The following MYOM3 variants were observed in gnomAD, a reference collection of about 807,000 sequenced individuals.
MYOM3 encodes the protein myomesin 3, also known as myomesin-3.
MYOM3 carries 155 observed loss-of-function variants against 191.7 expected under a neutral mutation model. The ratio of observed to expected loss-of-function variants is 0.81; its 90% CI spans 0.71 to 0.92. MYOM3 has a LOEUF of 0.92. Ranked by LOEUF, MYOM3 falls within the 40% of genes least tolerant of loss-of-function variation. MYOM3 has a pLI of 0.00. For synonymous variants in MYOM3, 757 were observed against 762.9 expected (o/e 0.99, Z 0.13); for missense variants, 1,889 against 1,890.6 (o/e 1.00, Z 0.02).
In MYOM3 at chr1:24,099,637, G is replaced by A; in HGVS notation, c.656+43C>T. 7 of 1,493,058 alleles carry A rather than the reference G, an allele frequency of 4.7e-6. No individual in the cohort carries two copies. In the East Asian group the frequency reaches 1.6e-4, roughly 34 times the overall value. 92.5% of individuals were successfully genotyped at this position (1,493,058 alleles called of 1,614,324 possible). Reference sequence around the variant, plus strand: ...GGATCCTGCTCTGGCCTCGGCGGTGGCAGGGTCTGGGGTCATAGGTCTCTC... The same window carrying A: ...GGATCCTGCTCTGGCCTCGGCGGTGACAGGGTCTGGGGTCATAGGTCTCTC... On this transcript the variant is annotated intron_variant, in intron 6 of 36. Transcript: ENST00000374434.
At chr1:24,085,345 AATGGATAGATGG>A (rs1387383379) in intron 15 of MYOM3, among the ~76,000 whole-genome samples, 4 of 151,328 alleles carry the variant, frequency 2.6e-5, no homozygotes, top group South Asian at 2.1e-4. Flanking sequence ...TGGATGAATA[AATGGATAGATGG>A]ATGGATAGAT....
rs1643310327 is a variant in MYOM3, at chr1:24,057,080, A to G, written c.*284T>C. 2.2e-6 allele frequency: 1 copy of G among 465,108 alleles called. No individual in the cohort carries two copies. The highest frequency in any genetic ancestry group is 3.9e-6 in the Non-Finnish European group (1 of 258,540). 28.8% of individuals were successfully genotyped at this position (465,108 alleles called of 1,614,324 possible). A position where few individuals can be genotyped will look rare whatever the true frequency, so the allele number is the denominator to read the frequency against. On this transcript the variant is annotated 3_prime_UTR_variant, in exon 37 of 37. Coordinates refer to ENST00000374434, the MANE Select transcript of MYOM3 (RefSeq NM_152372.4). ...GTGTTTAGCAGCGTACCTGACCTCT[A>G]CCTATCAGATGCCAGTACTGTTAGA...
intron 5 of MYOM3, among the ~76,000 whole-genome samples, chr1:24,103,226 C>T (rs958081567): frequency 6.6e-6 from 1 of 152,254 alleles, no homozygotes; most frequent in Non-Finnish European, 1.5e-5. Context: ...TGCTAACCTC[C>T]ACTTGGCCTG....
rs574406540 is a variant in MYOM3 at position 24,084,567 on chromosome 1, G to A, written c.1871C>T (p.Pro624Leu). ...ACCCAGGAGCTCTGGGTCTTTCACA[G>A]GATCCCATGTCAGGGAGACAGAGGT... Reference protein sequence around the residue: ...TQTSVSLTWDPVKDPELLGYY... With the variant: ...TQTSVSLTWDLVKDPELLGYY... Residue 624 changes from proline to leucine, a missense_variant, in exon 16 of 37, where the codon CCT (proline) becomes CTT (leucine). By Grantham distance (98) the Pro-to-Leu change is moderately conservative. Coordinates refer to ENST00000374434, the MANE Select transcript of MYOM3 (RefSeq NM_152372.4). The A allele has an allele frequency of 6.2e-6, 10 of 1,614,130 alleles. No individual in the cohort carries two copies. The highest frequency in any genetic ancestry group is 6.8e-6 in the Non-Finnish European group (8 of 1,180,010).
chr1:24,110,913 T>C (rs1025532814), intron 1 of MYOM3, among the ~76,000 whole-genome samples: 5 of 152,134 alleles, frequency 3.3e-5, no homozygotes, highest in Non-Finnish European at 7.4e-5. Context: ...TGGCCCTGGC[T>C]CCAGTGGCTG....
At chr1:24,108,344 G>C (rs1045493250) in intron 2 of MYOM3, 132 bp downstream of exon 2, 21 of 1,028,718 alleles carry the variant, frequency 2.0e-5, no homozygotes, top group Admixed American at 1.9e-4. Flanking sequence ...CCTCAGACAG[G>C]GGGTTCAGAA....
At chr1:24,095,093 C>T (rs552727469) in intron 8 of MYOM3, 103 bp from the exon 9 acceptor site, 239 of 1,273,136 alleles carry the variant, frequency 1.9e-4, no homozygotes, top group Non-Finnish European at 2.5e-4. Context: ...TCTTCTGGGT[C>T]TTGACTAGGA....
intron 12 of MYOM3, 62 bp downstream of exon 12, chr1:24,090,733 TGA>T: frequency 2.7e-6 from 4 of 1,508,694 alleles, no homozygotes; most frequent in Middle Eastern, 1.7e-4. Flanking sequence ...GTCTCCTGTG[TGA>T]GACAGTCCTG....
Position 24,057,251 on chromosome 1 carries a change from G to T in MYOM3, c.*113C>A. ...ACCCTCACATCCTGGGTTCTATCTT[G>T]TCCCCTTTCCTTCTGCCCCACCCCT... On this transcript the variant is annotated 3_prime_UTR_variant, in exon 37 of 37. Transcript: ENST00000374434. 3.8e-6 allele frequency: 4 copies of T among 1,060,640 alleles called. No individual in the cohort carries two copies. The highest frequency in any genetic ancestry group is 5.4e-6 in the Non-Finnish European group (4 of 736,488). 65.7% of individuals were successfully genotyped at this position (1,060,640 alleles called of 1,614,324 possible). A position where few individuals can be genotyped will look rare whatever the true frequency, so the allele number is the denominator to read the frequency against.
At chr1:24,066,469 C>A in intron 28 of MYOM3, 1 of 543,322 alleles carries the variant, frequency 1.8e-6, no homozygotes, top group Non-Finnish European at 3.3e-6. Context: ...TGGGAGAGCA[C>A]CCACCCTCCC....
rs746411932 is a variant in MYOM3, at chr1:24,084,464, G to A, written c.1970+4C>T. 12 of 1,613,984 alleles carry A rather than the reference G, an allele frequency of 7.4e-6. No individual in the cohort carries two copies. Among genetic ancestry groups the A allele is most frequent in the African/African-American group, 4.0e-5 (3 of 74,906 alleles). ...AACAGACTGATACGGGTGGGCAGAC[G>A]TACCTGGTGCCTTGGATGGGTTTGT... On this transcript the variant is annotated splice_donor_region_variant and intron_variant, in intron 16 of 36. Transcript: ENST00000374434.
rs1406502895 is a variant in MYOM3, at chr1:24,108,595, C to T, written c.42G>A (p.Arg14=). 8 of 1,566,970 alleles carry T rather than the reference C, an allele frequency of 5.1e-6. No homozygotes were observed. The highest frequency in any genetic ancestry group is 1.2e-5 in the South Asian group (1 of 85,158). ...PHSLGGAGDP[R]PPQAMEVHRL... Reference sequence around the variant, plus strand: ...TGTGAACCTCCATGGCCTGGGGGGGCCGGGGGTCCCCCGCACCTCCCAAGC... The same window carrying T: ...TGTGAACCTCCATGGCCTGGGGGGGTCGGGGGTCCCCCGCACCTCCCAAGC... The change falls in exon 2 of 37, where the codon CGG becomes CGA. Residue 14 remains arginine (R), a synonymous_variant. Transcript: ENST00000374434.
chr1:24,108,044 T>C lies in MYOM3; in HGVS notation c.191A>G (p.Asp64Gly), dbSNP rs1202887543. ...AGCCAGGGCTGCTGCCAGGGCGTAG[T>C]CCGCGGCGCTGAACTCATGCTCTTC... ...SEEEHEFSAA[D>G]YALAAALALT... Residue 64 changes from aspartate (D) to glycine (G), a missense_variant, in exon 3 of 37, where the codon GAC becomes GGC. Asp to Gly is a moderately conservative substitution (Grantham distance 94). Coordinates refer to ENST00000374434, the MANE Select transcript of MYOM3 (RefSeq NM_152372.4). 1 of 1,613,606 alleles carries C rather than the reference T, an allele frequency of 6.2e-7. No individual in the cohort carries two copies. The highest frequency in any genetic ancestry group is 2.2e-5 in the East Asian group (1 of 44,842).
chr1:24,068,140 G>A (rs1209725661), intron 26 of MYOM3, 83 bp downstream of exon 26: 13 of 1,552,466 alleles, frequency 8.4e-6, no homozygotes, highest in African/African-American at 5.5e-5. Context: ...CTGCAGAGCC[G>A]AGGACTCAGG....
intron 26 of MYOM3, 69 bp downstream of exon 26, chr1:24,068,154 G>T: frequency 6.5e-7 from 1 of 1,541,706 alleles, no homozygotes; most frequent in Non-Finnish European, 8.9e-7. Context: ...ACTCAGGGCT[G>T]CAGGGCAGGC....
chr1:24,107,588 G>C (rs978150691), intron 3 of MYOM3, among the ~76,000 whole-genome samples: 1 of 152,110 alleles, frequency 6.6e-6, no homozygotes, highest in Non-Finnish European at 1.5e-5. Context: ...CCTAGCCCAG[G>C]GCCCTGCCCC....
intron 17 of MYOM3, 42 bp downstream of exon 17, chr1:24,082,551 A>G: frequency 6.6e-7 from 1 of 1,525,986 alleles, no homozygotes; most frequent in Non-Finnish European, 8.8e-7. Flanking sequence ...CTCCCTGCCC[A>G]GCCCAGGGAG....
intron 15 of MYOM3, among the ~76,000 whole-genome samples, chr1:24,084,962 A>G (rs1292617461): frequency 6.6e-6 from 1 of 152,222 alleles, no homozygotes; most frequent in Non-Finnish European, 1.5e-5. Context: ...CTTATCTTTA[A>G]TCTCAGTTTT....
Position 24,090,792 on chromosome 1 carries a change from C to A in MYOM3, c.1432+5G>T. On this transcript the variant is annotated splice_donor_5th_base_variant and intron_variant, in intron 12 of 36. Transcript: ENST00000374434. ...TAGAAAGTCGCTTAGGACCTCTGTACCCACCTGTCTTCCTCCGGGCTGCAT... is the reference window on the plus strand; with the variant it reads ...TAGAAAGTCGCTTAGGACCTCTGTAACCACCTGTCTTCCTCCGGGCTGCAT... The A allele has an allele frequency of 6.2e-7, 1 of 1,613,934 alleles. No individual in the cohort carries two copies. Among genetic ancestry groups the A allele is most frequent in the Non-Finnish European group, 8.5e-7 (1 of 1,179,890 alleles).
Sources: allele counts gnomAD v4.1 joint callset (sites outside exome capture counted in the v4.1 genomes callset), GRCh38; gene constraint gnomAD v4.1.1; transcripts MANE v1.5; gene names NCBI Gene and HGNC (gene_info 2026-07-23, HGNC 2026-07-21).